EXPH5: variants seen among roughly 807,000 people sequenced by gnomAD.
The protein encoded by EXPH5 is exophilin 5.
Under a neutral mutation model 41.1 loss-of-function variants are expected in EXPH5, and 42 were observed. That is an observed-to-expected ratio of 1.02 (90% CI 0.80 to 1.32). The LOEUF (loss-of-function observed/expected upper bound fraction) is 1.32. Ranked by LOEUF, EXPH5 falls within the 40% of genes most tolerant of loss-of-function variation. EXPH5 has a pLI of 0.00. For missense variants in EXPH5, 2,298 were observed against 2,314.5 expected, an observed-to-expected ratio of 0.99 and a Z score of 0.15; for synonymous variants, 798 against 833.5, an observed-to-expected ratio of 0.96 and a Z score of 0.73.
At chr11:108,550,822 G>T (rs1378020440) in intron 1 of EXPH5, among the ~76,000 whole-genome samples, 1 of 151,884 alleles carries the variant, frequency 6.6e-6, no homozygotes, top group African/African-American at 2.4e-5. Flanking sequence ...AATAAAATTT[G>T]GGGTGGTTCG....
At chr11:108,566,443 TA>T (rs1454384413) in intron 1 of EXPH5, among the ~76,000 whole-genome samples, 1 of 152,198 alleles carries the variant, frequency 6.6e-6, no homozygotes, top group African/African-American at 2.4e-5. Flanking sequence ...TTGTTTGTTT[TA>T]AGTGGTTACA....
intron 1 of EXPH5, among the ~76,000 whole-genome samples, chr11:108,585,693 G>C (rs1309015068): frequency 6.6e-6 from 1 of 152,188 alleles, no homozygotes; most frequent in Non-Finnish European, 1.5e-5. Context: ...ACAGCTGTGG[G>C]AAAAACAGTT....
intron 5 of EXPH5, among the ~76,000 whole-genome samples, chr11:108,517,971 A>C (rs1797400384): frequency 1.3e-5 from 2 of 152,092 alleles, no homozygotes; most frequent in African/African-American, 4.8e-5. Flanking sequence ...CCTGACCCCT[A>C]AGGTTAAATA....
chr11:108,548,205 T>A (rs2093947665), intron 1 of EXPH5, among the ~76,000 whole-genome samples: 1 of 148,132 alleles, frequency 6.8e-6, no homozygotes, highest in Non-Finnish European at 1.5e-5. Flanking sequence ...TTTTCTTATG[T>A]GTTTTAAATA....
Position 108,513,822 on chromosome 11 carries a change from C to G in EXPH5, c.1685G>C (p.Ser562Thr). 1 of 1,605,674 alleles carries G rather than the reference C, an allele frequency of 6.2e-7. No individual in the cohort carries two copies. The highest frequency in any genetic ancestry group is 8.5e-7 in the Non-Finnish European group (1 of 1,176,518). The change falls in exon 6 of 6, where the codon AGC becomes ACC. Residue 562 changes from serine to threonine, a missense_variant. Physicochemically the swap from Ser to Thr is moderately conservative, Grantham distance 58. Transcript: ENST00000265843. ...CTCATTACCATGTGATACCACCATG[C>G]TATCCAGTGTGGATCTCTGAAAATC... ...QFDFQRSTLDSMVVSHGNETQ... is the reference protein window; with the variant it reads ...QFDFQRSTLDTMVVSHGNETQ...
In EXPH5 at chr11:108,545,339, T is replaced by C. The variant is rs137903190; in HGVS notation, c.120-3527A>G. Among the ~76,000 whole-genome samples the C allele has an allele frequency of 7.2e-4, 109 of 152,244 alleles. 1 individual carries two copies. Among genetic ancestry groups the C allele is most frequent in the African/African-American group, 2.5e-3 (102 of 41,556 alleles). ...TGAGGTATATATGTAATATTCAATA[T>C]ACGTTTGTGGAAGGCCGCCTATGGT... On this transcript the variant is annotated intron_variant, in intron 1 of 5. Transcript: ENST00000265843.
intron 1 of EXPH5, among the ~76,000 whole-genome samples, chr11:108,562,811 A>G (rs960348359): frequency 1.3e-5 from 2 of 151,968 alleles, no homozygotes; most frequent in African/African-American, 4.8e-5. Flanking sequence ...TAAAACAAAC[A>G]AACAAACAAA....
At chr11:108,600,103 G>A in the EXPH5 span, among the ~76,000 whole-genome samples, 2 of 152,162 alleles carry the variant, frequency 1.3e-5, no homozygotes, top group Non-Finnish European at 2.9e-5. Context: ...ATGGAGATGG[G>A]GGAAAAGCGT....
At position 108,508,622 on chromosome 11, in the gene EXPH5, A is replaced by T. The variant is rs1376093240; in HGVS notation, c.*915T>A. On this transcript the variant is annotated 3_prime_UTR_variant, in exon 6 of 6. Coordinates refer to ENST00000265843, the MANE Select transcript of EXPH5 (RefSeq NM_015065.3). ...CCAGTTGCTGAGAGAACTGCAGTAA[A>T]GGTAAGTCGGTCCCATGAAGGGATA... is the stretch of plus-strand genomic sequence containing the variant. 1 of 152,292 alleles carries T rather than the reference A, an allele frequency of 6.6e-6. No individual in the cohort carries two copies. The highest frequency in any genetic ancestry group is 2.4e-5 in the African/African-American group (1 of 41,472). The allele number at this position is 152,292 out of a possible 1,614,324, so 9.4% of individuals were successfully genotyped here. A position where few individuals can be genotyped will look rare whatever the true frequency, so the allele number is the denominator to read the frequency against.
At chr11:108,581,786 A>C (rs932590463) in intron 1 of EXPH5, among the ~76,000 whole-genome samples, 1 of 152,146 alleles carries the variant, frequency 6.6e-6, no homozygotes, top group African/African-American at 2.4e-5. Flanking sequence ...GAAAGAATAC[A>C]AATTATCAAT....
At chr11:108,584,469 C>A (rs946764207) in intron 1 of EXPH5, among the ~76,000 whole-genome samples, 1 of 151,110 alleles carries the variant, frequency 6.6e-6, no homozygotes, top group Non-Finnish European at 1.5e-5. Context: ...CAAAGAGAGA[C>A]CCTGTCTCAA....
Position 108,510,151 on chromosome 11 carries a change from C to A in EXPH5, c.5356G>T (p.Glu1786Ter). ...GAACGATAGAGGTGTGGCTCAGGTT[C>A]CCACTCCAGAGATGAAGCACTCCTT... Reference protein sequence around the residue: ...QQRSASSLEWEPEPHLYRSKS... With the variant: ...QQRSASSLEW Residue 1786 changes from glutamate to a stop codon, truncating the protein, a stop_gained, in exon 6 of 6, where the codon GAA becomes TAA. Transcript: ENST00000265843. LOFTEE classifies it high-confidence loss of function. 6.2e-7 allele frequency: 1 copy of A among 1,613,950 alleles called. No individual in the cohort carries two copies. The highest frequency in any genetic ancestry group is 8.5e-7 in the Non-Finnish European group (1 of 1,180,022).
At chr11:108,526,854 A>G (rs1255242753) in intron 4 of EXPH5, among the ~76,000 whole-genome samples, 1 of 152,182 alleles carries the variant, frequency 6.6e-6, no homozygotes, top group African/African-American at 2.4e-5. Flanking sequence ...TACCTCTTTT[A>G]TAGAGTTTCT....
In EXPH5 at chr11:108,511,398, T is replaced by G. The variant is rs955792201; in HGVS notation, c.4109A>C (p.Asn1370Thr). ...ATCACCTAGAGGTGTTTTAGCTAAA[T>G]TATCTGAAAAAATCTCTCTAGCTTT... ...ESKAREIFSD[N>T]LAKTPLGDSE... is the part of the protein sequence containing the mutation. Residue 1370 changes from asparagine (N) to threonine (T), a missense_variant, in exon 6 of 6, where the codon AAT (asparagine) becomes ACT (threonine). Transcript: ENST00000265843. 1 of 1,589,550 alleles carries G rather than the reference T, an allele frequency of 6.3e-7. No homozygotes were observed. The highest frequency in any genetic ancestry group is 8.5e-7 in the Non-Finnish European group (1 of 1,171,508).
intron 4 of EXPH5, among the ~76,000 whole-genome samples, chr11:108,519,053 G>A (rs913022268): frequency 2.6e-5 from 4 of 152,152 alleles, no homozygotes; most frequent in African/African-American, 9.7e-5. Context: ...AACCCTTGGG[G>A]CTGCTCTATG....
At chr11:108,523,570 G>C (rs2093778916) in intron 4 of EXPH5, among the ~76,000 whole-genome samples, 1 of 152,094 alleles carries the variant, frequency 6.6e-6, no homozygotes, top group Non-Finnish European at 1.5e-5. Context: ...ATATACCAAG[G>C]TGGAAAACTA....
upstream of EXPH5, among the ~76,000 whole-genome samples, chr11:108,594,602 C>G (rs1300357144): frequency 6.6e-6 from 1 of 151,802 alleles, no homozygotes; most frequent in Non-Finnish European, 1.5e-5. Context: ...TTTTAATTAT[C>G]AAGGCTTTTA....
chr11:108,604,093 T>C, the EXPH5 span, among the ~76,000 whole-genome samples: 35 of 152,138 alleles, frequency 2.3e-4, 1 homozygote, highest in South Asian at 7.1e-3. Flanking sequence ...TTTTCTACAT[T>C]TAATTGAAGA....
intron 2 of EXPH5, among the ~76,000 whole-genome samples, chr11:108,540,278 A>G (rs1011097468): frequency 2.6e-5 from 4 of 152,336 alleles, no homozygotes; most frequent in Admixed American, 1.3e-4. Flanking sequence ...ACCTGAGATC[A>G]TGCCACTACA....
Sources: gnomAD v4.1 joint callset for allele counts (sites outside exome capture counted in the v4.1 genomes callset) on GRCh38, gnomAD v4.1.1 for gene constraint, MANE v1.5 for transcripts, NCBI Gene and HGNC (gene_info 2026-07-23, HGNC 2026-07-21) for gene names.